Variants in AGBL4 observed in about 807,000 individuals in gnomAD.
The protein encoded by AGBL4 is AGBL carboxypeptidase 4.
Under a neutral mutation model 66.4 loss-of-function variants are expected in AGBL4, and 58 were observed. The ratio of observed to expected loss-of-function variants is 0.87; its 90% CI spans 0.71 to 1.09. The LOEUF is 1.09. Among genes scored for constraint, AGBL4 ranks in the 50% least tolerant of loss-of-function variants. The probability of loss-of-function intolerance (pLI) is 0.00; values close to 1 mark genes in which losing one functional copy is unlikely to be tolerated. For synonymous variants in AGBL4, 234 were observed against 222.9 expected, an observed-to-expected ratio of 1.05 and a Z score of -0.44; for missense variants, 579 against 631.0, an observed-to-expected ratio of 0.92 and a Z score of 0.88.
At position 49,693,460 on chromosome 1, in the gene AGBL4, T is replaced by C. The variant is rs553623946; in HGVS notation, c.282+3853A>G. On this transcript the variant is annotated intron_variant, in intron 3 of 13. Transcript: ENST00000371839. The stretch of plus-strand genomic sequence containing the variant: ...ACAGAAAATTGTCTGTGATAATATT[T>C]AGGTTCTTTAGAAGCAAAACATGAA... Among the ~76,000 whole-genome samples, 3 of 152,246 alleles carry C rather than the reference T, an allele frequency of 2.0e-5. No individual in the cohort carries two copies. The East Asian group carries it at 5.8e-4, about 29-fold the overall frequency.
chr1:49,179,213 A>T (rs1186258987), intron 4 of AGBL4, among the ~76,000 whole-genome samples: 1 of 152,154 alleles, frequency 6.6e-6, no homozygotes, highest in Non-Finnish European at 1.5e-5. Context: ...AATGCAAGTA[A>T]CCAGTAAGGA....
intron 3 of AGBL4, among the ~76,000 whole-genome samples, chr1:49,587,239 T>C (rs1294704023): frequency 7.3e-6 from 1 of 136,710 alleles, no homozygotes; most frequent in Admixed American, 7.6e-5. Context: ...AGAGTGAAAT[T>C]CCATCTCAAA....
At chr1:48,694,056 A>AG (rs577853914) in intron 6 of AGBL4, among the ~76,000 whole-genome samples, 11,333 of 150,622 alleles carry the variant, frequency 0.075, 1,015 homozygotes, top group African/African-American at 0.21. Flanking sequence ...TTCAAAAAAA[A>AG]AAAAAAAAAA....
chr1:49,084,933 T>C (rs182150505), intron 4 of AGBL4, among the ~76,000 whole-genome samples: 5 of 152,292 alleles, frequency 3.3e-5, no homozygotes, highest in Non-Finnish European at 7.4e-5. Context: ...TCTCTTCACT[T>C]ACCTACTATG....
chr1:49,594,240 A>C (rs919712937), intron 3 of AGBL4, among the ~76,000 whole-genome samples: 3 of 152,224 alleles, frequency 2.0e-5, no homozygotes, highest in Non-Finnish European at 2.9e-5. Context: ...GGTTATCTCC[A>C]GGGTAATTGG....
chr1:49,131,240 G>C lies in AGBL4; in HGVS notation c.378-85440C>G, dbSNP rs571624418. Among the ~76,000 whole-genome samples, 91 of 152,200 alleles carry C rather than the reference G, an allele frequency of 6.0e-4. 2 individuals carry two copies. The Middle Eastern group carries it at 0.027, about 46-fold the overall frequency. ...GTGGTTGCTTGGGTCAGAGGTGTCA[G>C]AGCTGAAGTTGACAGAAAAAAGGCA... is the stretch of plus-strand genomic sequence containing the variant. On this transcript the variant is annotated intron_variant, in intron 4 of 13. Coordinates refer to ENST00000371839, the MANE Select transcript of AGBL4 (RefSeq NM_032785.4).
intron 2 of AGBL4, among the ~76,000 whole-genome samples, chr1:49,731,619 A>G (rs898010625): frequency 7.2e-5 from 11 of 152,302 alleles, no homozygotes; most frequent in Non-Finnish European, 1.2e-4. Flanking sequence ...GCAACAAAAG[A>G]AAGCAATCAT....
At chr1:49,484,394 A>G (rs1012347943) in intron 3 of AGBL4, among the ~76,000 whole-genome samples, 1 of 152,162 alleles carries the variant, frequency 6.6e-6, no homozygotes, top group Non-Finnish European at 1.5e-5. Context: ...TGGTACATAT[A>G]CACAATGGAG....
chr1:49,262,590 T>G (rs112611666), intron 3 of AGBL4, among the ~76,000 whole-genome samples: 66,636 of 151,750 alleles, frequency 0.44, 17,066 homozygotes, highest in Non-Finnish European at 0.58. Context: ...GAAATGCAAA[T>G]CAAAACCACA....
chr1:48,828,153 G>A (rs143540063), intron 6 of AGBL4, among the ~76,000 whole-genome samples: 5,456 of 146,744 alleles, frequency 0.037, 323 homozygotes, highest in African/African-American at 0.13. Flanking sequence ...CCAAGATTGC[G>A]CCACTGTACT....
chr1:49,430,532 A>G (rs1645762749), intron 3 of AGBL4, among the ~76,000 whole-genome samples: 1 of 152,218 alleles, frequency 6.6e-6, no homozygotes, highest in African/African-American at 2.4e-5. Context: ...AACAAATTAA[A>G]TTAATAATAG....
At chr1:49,526,179 A>T (rs555973720) in intron 3 of AGBL4, among the ~76,000 whole-genome samples, 1 of 152,192 alleles carries the variant, frequency 6.6e-6, no homozygotes, top group East Asian at 1.9e-4. Flanking sequence ...GGATGAACAA[A>T]TAGGCTTTTG....
At chr1:48,871,286 C>G (rs559349693) in intron 5 of AGBL4, among the ~76,000 whole-genome samples, 2 of 151,786 alleles carry the variant, frequency 1.3e-5, no homozygotes, top group South Asian at 4.2e-4. Flanking sequence ...CCTGATGACT[C>G]TTGAACCACT....
intron 5 of AGBL4, among the ~76,000 whole-genome samples, chr1:48,966,280 G>A (rs1241006135): frequency 6.6e-6 from 1 of 152,096 alleles, no homozygotes; most frequent in East Asian, 1.9e-4. Context: ...ATTGAAAAAG[G>A]GGCCCAAGAT....
chr1:48,939,533 A>G (rs997214982), intron 5 of AGBL4, among the ~76,000 whole-genome samples: 5 of 152,208 alleles, frequency 3.3e-5, no homozygotes, highest in Admixed American at 6.5e-5. Flanking sequence ...GAGGGGGAGG[A>G]AAGGCAGGGG....
intron 3 of AGBL4, among the ~76,000 whole-genome samples, chr1:49,548,370 T>C (rs1652677539): frequency 2.6e-5 from 4 of 152,164 alleles, no homozygotes; most frequent in Admixed American, 2.6e-4. Flanking sequence ...TGGGCATCCT[T>C]GTCTTGTTCC....
intron 1 of AGBL4, among the ~76,000 whole-genome samples, chr1:49,981,674 G>T (rs1015012152): frequency 6.6e-6 from 1 of 152,040 alleles, no homozygotes; most frequent in Non-Finnish European, 1.5e-5. Flanking sequence ...ACATCTCTGC[G>T]CCTTCCTTTC....
At chr1:48,534,820 G>A in intron 13 of AGBL4, 70 bp downstream of exon 13, 1 of 1,450,134 alleles carries the variant, frequency 6.9e-7, no homozygotes, top group Non-Finnish European at 9.4e-7. Flanking sequence ...CAGAATAGGT[G>A]AGATACAGCC....
chr1:48,883,296 G>T (rs1649968159), intron 5 of AGBL4, among the ~76,000 whole-genome samples: 1 of 152,118 alleles, frequency 6.6e-6, no homozygotes, highest in Admixed American at 6.5e-5. Context: ...TTGTCTTTGT[G>T]CTAATAGCCA....
Sources: allele counts gnomAD v4.1 joint callset (sites outside exome capture counted in the v4.1 genomes callset), GRCh38; gene constraint gnomAD v4.1.1; transcripts MANE v1.5; gene names NCBI Gene and HGNC (gene_info 2026-07-23, HGNC 2026-07-21).